Variants in COL5A2 observed in about 807,000 individuals in gnomAD.
COL5A2 encodes the protein collagen type V alpha 2 chain.
COL5A2 carries 23 observed loss-of-function variants against 208.2 expected under a neutral mutation model. That is an observed-to-expected ratio of 0.11 (90% CI 0.08 to 0.16). The LOEUF is 0.16. Ranked by LOEUF, COL5A2 falls within the 10% of genes least tolerant of loss-of-function variation. The pLI is 1.00. For missense variants in COL5A2, 1,590 were observed against 1,956.4 expected (o/e 0.81, Z 3.53); for synonymous variants, 625 against 628.5 (o/e 0.99, Z 0.08).
At chr2:189,249,940 C>T in the COL5A2 span, among the ~76,000 whole-genome samples, 2 of 152,166 alleles carry the variant, frequency 1.3e-5, no homozygotes, top group South Asian at 2.1e-4. Flanking sequence ...TCAGGTGATC[C>T]CCCGGCCTCG....
chr2:189,330,501 A>C, the COL5A2 span, among the ~76,000 whole-genome samples: 53 of 152,200 alleles, frequency 3.5e-4, no homozygotes, highest in African/African-American at 1.3e-3. Flanking sequence ...CTATCTTCTG[A>C]GATGTGGAAA....
intron 49 of COL5A2, 57 bp downstream of exon 49, chr2:189,042,663 T>G: frequency 6.7e-7 from 1 of 1,495,606 alleles, no homozygotes; most frequent in South Asian, 1.2e-5. Flanking sequence ...GCATTAGCAG[T>G]ACATCAACAA....
At chr2:189,193,829 C>G (rs1372885045) in intron 1 of COL5A2, among the ~76,000 whole-genome samples, 1 of 152,102 alleles carries the variant, frequency 6.6e-6, no homozygotes, top group African/African-American at 2.4e-5. Flanking sequence ...AAGGCCAGAT[C>G]TTTTCATATA....
chr2:189,432,298 A>G, the COL5A2 span, among the ~76,000 whole-genome samples: 1 of 152,222 alleles, frequency 6.6e-6, no homozygotes, highest in Admixed American at 6.5e-5. Flanking sequence ...ACCAGCTAAC[A>G]TCATAATGAC....
rs1282232172 is a variant in COL5A2, at chr2:189,065,067, A to G, written c.1564-10T>C. On this transcript the variant is annotated splice_polypyrimidine_tract_variant and intron_variant, in intron 23 of 53. Coordinates refer to ENST00000374866, the MANE Select transcript of COL5A2 (RefSeq NM_000393.5). ...GATTGCCAGGAGCACCCTACAAATG[A>G]CCAAAATGTGATTCTTAATTGTTGT... is the stretch of plus-strand genomic sequence containing the variant. 2 of 1,613,146 alleles carry G rather than the reference A, an allele frequency of 1.2e-6. No homozygotes were observed. The highest frequency in any genetic ancestry group is 2.7e-5 in the African/African-American group (2 of 74,898).
At chr2:189,376,352 G>A in the COL5A2 span, among the ~76,000 whole-genome samples, 1 of 151,942 alleles carries the variant, frequency 6.6e-6, no homozygotes. Context: ...GATTTAAGTA[G>A]ATGGGGCCAG....
At chr2:189,387,494 T>C in the COL5A2 span, among the ~76,000 whole-genome samples, 3 of 152,098 alleles carry the variant, frequency 2.0e-5, no homozygotes, top group Admixed American at 6.5e-5. Context: ...AAAAAAGAAA[T>C]AGCCACGCAT....
chr2:189,393,946 AT>A, the COL5A2 span, among the ~76,000 whole-genome samples: 2 of 152,028 alleles, frequency 1.3e-5, no homozygotes, highest in Non-Finnish European at 2.9e-5. Context: ...CTTAACTTTC[AT>A]TTCTTCTCAG....
chr2:189,387,453 CCT>C, the COL5A2 span, among the ~76,000 whole-genome samples: 8 of 152,024 alleles, frequency 5.3e-5, no homozygotes, highest in Admixed American at 5.2e-4. Context: ...ACATGTACCC[CCT>C]GATTCTAAAA....
chr2:189,070,379 T>TCAGAGAG (rs769636782), intron 18 of COL5A2, among the ~76,000 whole-genome samples: 1 of 152,164 alleles, frequency 6.6e-6, no homozygotes, highest in Non-Finnish European at 1.5e-5. Flanking sequence ...TATTCTTTAG[T>TCAGAGAG]CAGAGAGCAG....
chr2:189,292,683 G>A, the COL5A2 span, among the ~76,000 whole-genome samples: 1 of 152,188 alleles, frequency 6.6e-6, no homozygotes, highest in Admixed American at 6.5e-5. Context: ...AACCATTGTG[G>A]AAGTCAGTGT....
At chr2:189,286,191 G>A in the COL5A2 span, among the ~76,000 whole-genome samples, 1 of 152,094 alleles carries the variant, frequency 6.6e-6, no homozygotes, top group Non-Finnish European at 1.5e-5. Context: ...ATAGTCAAGT[G>A]GCTTTTAGTT....
At chr2:189,177,490 T>C (rs1159012327) in intron 1 of COL5A2, among the ~76,000 whole-genome samples, 1 of 152,202 alleles carries the variant, frequency 6.6e-6, no homozygotes, top group Non-Finnish European at 1.5e-5. Flanking sequence ...ATTTTCTCTA[T>C]TATGTTTGAT....
chr2:189,335,277 C>A, the COL5A2 span, among the ~76,000 whole-genome samples: 2 of 151,982 alleles, frequency 1.3e-5, no homozygotes, highest in South Asian at 4.2e-4. Flanking sequence ...AAATCACAAA[C>A]CACAATCAAC....
the COL5A2 span, among the ~76,000 whole-genome samples, chr2:189,236,981 G>T: frequency 2.0e-5 from 3 of 151,634 alleles, no homozygotes; most frequent in African/African-American, 7.3e-5. Context: ...TCTTCTAAAT[G>T]CCATACTTCA....
At chr2:189,035,248 T>TCTG in intron 52 of COL5A2, 93 bp from the exon 53 acceptor site, 5 of 1,488,492 alleles carry the variant, frequency 3.4e-6, no homozygotes, top group Non-Finnish European at 3.7e-6. Context: ...TGATTTCAGA[T>TCTG]AAATCAATTT....
intron 1 of COL5A2, among the ~76,000 whole-genome samples, chr2:189,142,157 T>C (rs1687946525): frequency 6.6e-6 from 1 of 152,128 alleles, no homozygotes; most frequent in Non-Finnish European, 1.5e-5. Context: ...ATGTTATGAT[T>C]GACAATAATT....
the COL5A2 span, among the ~76,000 whole-genome samples, chr2:189,375,801 T>A: frequency 2.0e-5 from 3 of 152,208 alleles, no homozygotes; most frequent in Admixed American, 6.5e-5. Context: ...AAGGAAAAAA[T>A]TAGTTTTATT....
intron 4 of COL5A2, among the ~76,000 whole-genome samples, chr2:189,099,218 T>C (rs2105687948): frequency 6.6e-6 from 1 of 152,318 alleles, no homozygotes; most frequent in Admixed American, 6.5e-5. Flanking sequence ...AAATGCTTTT[T>C]AAAATTAAAT....
Sources: allele counts gnomAD v4.1 joint callset (sites outside exome capture counted in the v4.1 genomes callset), GRCh38; gene constraint gnomAD v4.1.1; transcripts MANE v1.5; gene names NCBI Gene and HGNC (gene_info 2026-07-23, HGNC 2026-07-21).